Variants in BANP observed in about 807,000 individuals in gnomAD.
BANP encodes protein BANP.
A neutral mutation model predicts 68.1 loss-of-function variants in BANP; 11 were observed. The ratio of observed to expected loss-of-function variants is 0.16; its 90% CI spans 0.10 to 0.27. The LOEUF (loss-of-function observed/expected upper bound fraction) is 0.27, where lower values mean the gene tolerates loss of function less well. BANP is among the 10% of genes least tolerant of loss of function. BANP has a pLI of 1.00. For missense variants in BANP, 504 were observed against 722.7 expected, an observed-to-expected ratio of 0.70 and a Z score of 3.47; for synonymous variants, 329 against 303.2, an observed-to-expected ratio of 1.09 and a Z score of -0.88.
At chr16:88,056,717 C>T (rs1310923628) in intron 11 of BANP, among the ~76,000 whole-genome samples, 1 of 152,044 alleles carries the variant, frequency 6.6e-6, no homozygotes, top group African/African-American at 2.4e-5. Context: ...CCTGATGATT[C>T]GAAGATTGTT....
In BANP at chr16:88,028,130, G is replaced by A. The variant is rs1301090851; in HGVS notation, c.1063+480G>A. On this transcript the variant is annotated intron_variant, in intron 8 of 13. Coordinates refer to ENST00000682872, the MANE Select transcript of BANP (RefSeq NM_001386991.1). ...CATCGCTGGGGGGATTGTTCTCCTT[G>A]GAGAATTTTCACTAGGAATGACAAT... 2.0e-5 allele frequency among the ~76,000 whole-genome samples: 3 copies of A among 152,242 alleles called. No homozygotes were observed. The East Asian group carries it at 5.8e-4, about 29-fold the overall frequency.
At chr16:88,031,581 G>A (rs1357628185) in intron 8 of BANP, among the ~76,000 whole-genome samples, 8 of 151,300 alleles carry the variant, frequency 5.3e-5, no homozygotes, top group Non-Finnish European at 8.8e-5. Context: ...CTTGGGAGGC[G>A]GAAGTTGCAG....
At chr16:87,972,040 GC>G (rs757206260) in intron 1 of BANP, among the ~76,000 whole-genome samples, 49 of 152,148 alleles carry the variant, frequency 3.2e-4, no homozygotes, top group Admixed American at 1.4e-3. Context: ...TGGTCCTCCT[GC>G]CTTAGCCTCC....
intron 12 of BANP, 116 bp downstream of exon 12, chr16:88,065,448 C>T (rs573234889): frequency 8.2e-5 from 51 of 620,330 alleles, no homozygotes; most frequent in South Asian, 5.2e-4. Context: ...CATCTCACCA[C>T]GTGAGGGTGA....
At chr16:88,027,686 C>A (rs765783729) in intron 8 of BANP, 36 bp downstream of exon 8, 6 of 1,609,630 alleles carry the variant, frequency 3.7e-6, no homozygotes, top group Admixed American at 3.4e-5. Flanking sequence ...CGCCCTCCCC[C>A]GCTCGGGGCA....
At chr16:87,988,921 C>T (rs570724273) in intron 4 of BANP, among the ~76,000 whole-genome samples, 1 of 152,318 alleles carries the variant, frequency 6.6e-6, no homozygotes, top group East Asian at 1.9e-4. Context: ...ATCACCCCAC[C>T]TGTTGGTTCT....
Position 88,071,405 on chromosome 16 carries a change from G to A in BANP, c.1378-664G>A, listed in dbSNP as rs1034231229. ...GTGCTTACAGGCGATGGGGTCACCA[G>A]AGCCCACCCAGGGGCCTCGCCTGTC... On this transcript the variant is annotated intron_variant, in intron 12 of 13. Transcript: ENST00000682872. This position sits in a 1 kb window ranked among gnomAD's most constrained non-coding sequence, Gnocchi z 6.5. 5 of 449,350 alleles carry A rather than the reference G, an allele frequency of 1.1e-5. No homozygotes were observed. The highest frequency in any genetic ancestry group is 9.5e-5 in the Admixed American group (4 of 42,066). 27.8% of individuals were successfully genotyped at this position (449,350 alleles called of 1,614,324 possible). A position where few individuals can be genotyped will look rare whatever the true frequency, so the allele number is the denominator to read the frequency against.
At chr16:88,052,750 AC>A (rs1451455344) in intron 11 of BANP, among the ~76,000 whole-genome samples, 1 of 151,224 alleles carries the variant, frequency 6.6e-6, no homozygotes. Context: ...TACCACCACC[AC>A]CTTTACCATT....
intron 11 of BANP, among the ~76,000 whole-genome samples, chr16:88,059,305 C>T (rs1180374525): frequency 1.3e-5 from 2 of 152,018 alleles, no homozygotes; most frequent in East Asian, 3.9e-4. Flanking sequence ...TGCCTTCCCT[C>T]TCGGCAGTGC....
chr16:87,988,566 G>A (rs560638222), intron 4 of BANP, among the ~76,000 whole-genome samples: 4 of 152,172 alleles, frequency 2.6e-5, no homozygotes, highest in East Asian at 1.9e-4. Flanking sequence ...CCCCCGGCCG[G>A]GACTCAAATA....
chr16:88,007,701 T>A (rs2071657021), intron 6 of BANP, among the ~76,000 whole-genome samples: 1 of 152,226 alleles, frequency 6.6e-6, no homozygotes, highest in African/African-American at 2.4e-5. Flanking sequence ...CTTTGTCTAG[T>A]GAACAAAGGC....
chr16:87,971,080 T>G (rs2061028922), intron 1 of BANP, among the ~76,000 whole-genome samples: 1 of 152,178 alleles, frequency 6.6e-6, no homozygotes, highest in Non-Finnish European at 1.5e-5. Flanking sequence ...AACATTTGTT[T>G]TTGTTAGTTT....
rs374607381 is a variant in BANP, at chr16:88,065,231, G to C, written c.1312-36G>C. ...CAAGGCAGGGTTGGTCCTTCTGGAG[G>C]CTCCAGGGGAAAATTCGTTTTCTTG... On this transcript the variant is annotated intron_variant, in intron 11 of 13. Coordinates refer to ENST00000682872, the MANE Select transcript of BANP (RefSeq NM_001386991.1). 489 of 703,412 alleles carry C rather than the reference G, an allele frequency of 7.0e-4. 1 individual carries two copies. Among genetic ancestry groups the C allele is most frequent in the South Asian group, 3.6e-3 (237 of 66,676 alleles). The allele number at this position is 703,412 out of a possible 1,614,324, so 43.6% of individuals were successfully genotyped here.
chr16:88,057,831 G>A lies in BANP; in HGVS notation c.1312-7436G>A, dbSNP rs1026353870. On this transcript the variant is annotated intron_variant, in intron 11 of 13. Coordinates refer to ENST00000682872, the MANE Select transcript of BANP (RefSeq NM_001386991.1). This position sits in a 1 kb window ranked among gnomAD's most constrained non-coding sequence, Gnocchi z 4.6. ...GACTCCAGGGCAAGTGGTGCTGGCC[G>A]GATGCCCACAGTGAGGAGGTGCGGG... 3.3e-5 allele frequency among the ~76,000 whole-genome samples: 5 copies of A among 151,994 alleles called. No homozygotes were observed. The highest frequency in any genetic ancestry group is 9.7e-5 in the African/African-American group (4 of 41,370).
At chr16:88,068,258 C>G (rs920141656) in intron 12 of BANP, among the ~76,000 whole-genome samples, 2 of 152,244 alleles carry the variant, frequency 1.3e-5, no homozygotes, top group Non-Finnish European at 2.9e-5. Flanking sequence ...TCGCCCCAGG[C>G]TTGGGTTTCC....
chr16:87,956,528 A>T (rs1419303655), intron 1 of BANP: 2 of 152,258 alleles, frequency 1.3e-5, no homozygotes, highest in African/African-American at 4.8e-5. Flanking sequence ...GGAATCACAC[A>T]CTTGCAATTT....
chr16:88,014,940 C>T (rs2074118612), intron 6 of BANP, among the ~76,000 whole-genome samples: 1 of 152,104 alleles, frequency 6.6e-6, no homozygotes. Context: ...GCCCTACTGA[C>T]ACCAGGCCCT....
At chr16:88,049,522 C>G (rs913308872) in intron 11 of BANP, among the ~76,000 whole-genome samples, 4 of 152,166 alleles carry the variant, frequency 2.6e-5, no homozygotes, top group African/African-American at 7.2e-5. Flanking sequence ...GGGCAGGACC[C>G]TCTCATGGGA....
At chr16:88,066,438 G>T (rs972343953) in intron 12 of BANP, among the ~76,000 whole-genome samples, 1 of 152,188 alleles carries the variant, frequency 6.6e-6, no homozygotes, top group African/African-American at 2.4e-5. Context: ...GCCACCTGGT[G>T]AAGGGCCTCG....
Sources: allele counts gnomAD v4.1 joint callset (sites outside exome capture counted in the v4.1 genomes callset), GRCh38; gene constraint gnomAD v4.1.1; non-coding constraint Gnocchi (gnomAD v3.1); transcripts MANE v1.5; gene names NCBI Gene and HGNC (gene_info 2026-07-23, HGNC 2026-07-21).